CPEB3: variants seen among roughly 807,000 people sequenced by gnomAD.
CPEB3 encodes the protein cytoplasmic polyadenylation element-binding protein 3.
Under a neutral mutation model 67.2 loss-of-function variants are expected in CPEB3, and 20 were observed. The observed-to-expected ratio is 0.30, with a 90% CI of 0.21 to 0.43. CPEB3 has a LOEUF of 0.43. Ranked by LOEUF, CPEB3 falls within the 20% of genes least tolerant of loss-of-function variation. The pLI, the probability that CPEB3 is intolerant of heterozygous loss-of-function variation, is 1.00. For missense variants in CPEB3, 746 were observed against 968.6 expected (o/e 0.77, Z 3.05); for synonymous variants, 376 against 393.1 (o/e 0.96, Z 0.51).
At chr10:92,094,029 A>AT (rs1463643959) in intron 7 of CPEB3, among the ~76,000 whole-genome samples, 2 of 151,596 alleles carry the variant, frequency 1.3e-5, no homozygotes, top group East Asian at 2.0e-4. Flanking sequence ...TAATTTTTGT[A>AT]TTTTTAGCAG....
At chr10:92,081,926 T>C (rs1434460927) in intron 8 of CPEB3, among the ~76,000 whole-genome samples, 2 of 152,214 alleles carry the variant, frequency 1.3e-5, no homozygotes, top group Non-Finnish European at 2.9e-5. Context: ...AGTGTCACAC[T>C]ACTATATTAG....
chr10:92,134,966 G>A (rs1198714729), intron 6 of CPEB3, among the ~76,000 whole-genome samples: 1 of 152,124 alleles, frequency 6.6e-6, no homozygotes, highest in African/African-American at 2.4e-5. Flanking sequence ...GCCATATGTA[G>A]AAAGCTGAAA....
intron 1 of CPEB3, among the ~76,000 whole-genome samples, chr10:92,249,888 G>A (rs536046002): frequency 6.7e-6 from 1 of 150,010 alleles, no homozygotes; most frequent in African/African-American, 2.4e-5. Flanking sequence ...TGGGCGTGGT[G>A]GCAGGCACCT....
chr10:92,193,998 G>A (rs1006298295), intron 2 of CPEB3, among the ~76,000 whole-genome samples: 7 of 151,534 alleles, frequency 4.6e-5, no homozygotes, highest in Non-Finnish European at 7.4e-5. Flanking sequence ...GGGTTTCACC[G>A]TGTTAGACAG....
intron 7 of CPEB3, among the ~76,000 whole-genome samples, chr10:92,108,962 G>T (rs1844601115): frequency 6.6e-6 from 1 of 152,114 alleles, no homozygotes. Flanking sequence ...GTCCCACAAG[G>T]CATATTATTC....
chr10:92,056,422 C>T (rs1020169968), intron 9 of CPEB3, among the ~76,000 whole-genome samples: 2 of 152,168 alleles, frequency 1.3e-5, no homozygotes, highest in South Asian at 2.1e-4. Flanking sequence ...GAAAAAAATA[C>T]CTTTAGAAGA....
intron 2 of CPEB3, among the ~76,000 whole-genome samples, chr10:92,208,651 T>C (rs774707653): frequency 6.6e-6 from 1 of 151,532 alleles, no homozygotes; most frequent in African/African-American, 2.4e-5. Flanking sequence ...TGGAGTGCAG[T>C]TGGGGGATCT....
chr10:92,273,770 A>C (rs1334016075), intron 1 of CPEB3, among the ~76,000 whole-genome samples: 1 of 152,128 alleles, frequency 6.6e-6, no homozygotes, highest in Non-Finnish European at 1.5e-5. Flanking sequence ...TCATCTCTTA[A>C]ATGGAGCTAT....
intron 1 of CPEB3, among the ~76,000 whole-genome samples, chr10:92,245,666 G>A (rs1210885844): frequency 1.3e-5 from 2 of 152,108 alleles, no homozygotes; most frequent in Admixed American, 6.6e-5. Flanking sequence ...AATTTGCAAG[G>A]ATCAACCCAA....
At chr10:92,283,945 C>T (rs1015485328) in intron 1 of CPEB3, among the ~76,000 whole-genome samples, 4 of 150,910 alleles carry the variant, frequency 2.7e-5, no homozygotes, top group Non-Finnish European at 5.9e-5. Context: ...CCAGGGTGGT[C>T]GCGAACTCCT....
At chr10:92,119,886 A>G (rs1379847219) in intron 6 of CPEB3, among the ~76,000 whole-genome samples, 1 of 152,080 alleles carries the variant, frequency 6.6e-6, no homozygotes, top group Non-Finnish European at 1.5e-5. Context: ...TCTGAAACTA[A>G]ATTAAAATAC....
At chr10:92,284,261 T>C (rs560157823) in intron 1 of CPEB3, among the ~76,000 whole-genome samples, 1 of 151,368 alleles carries the variant, frequency 6.6e-6, no homozygotes, top group African/African-American at 2.4e-5. Context: ...ATGGTCTCCA[T>C]CTCTTGACCT....
chr10:92,106,814 C>CAAAAAAAAAAAAAAAAAAAAAAA (rs531195477), intron 7 of CPEB3, among the ~76,000 whole-genome samples: 47 of 55,928 alleles, frequency 8.4e-4, no homozygotes, highest in African/African-American at 1.3e-3. Context: ...GACTCTGTCT[C>CAAAAAAAAAAAAAAAAAAAAAAA]AAAAAAAAAA....
chr10:92,247,019 G>A (rs1400076360), intron 1 of CPEB3, among the ~76,000 whole-genome samples: 1 of 152,036 alleles, frequency 6.6e-6, no homozygotes, highest in African/African-American at 2.4e-5. Flanking sequence ...GTATTGTATT[G>A]AAAAACACAC....
At chr10:92,236,853 A>G (rs1051302193) in intron 2 of CPEB3, among the ~76,000 whole-genome samples, 1 of 152,222 alleles carries the variant, frequency 6.6e-6, no homozygotes, top group Non-Finnish European at 1.5e-5. Flanking sequence ...GGCAAAAAAG[A>G]AGCAGTGCAG....
At chr10:92,110,594 T>C (rs1039959562) in intron 7 of CPEB3, among the ~76,000 whole-genome samples, 7 of 152,224 alleles carry the variant, frequency 4.6e-5, no homozygotes, top group African/African-American at 1.7e-4. Flanking sequence ...TCCTGCTCTG[T>C]TGAAACTATC....
chr10:92,169,949 A>C (rs1379303769), intron 4 of CPEB3, among the ~76,000 whole-genome samples: 1 of 152,158 alleles, frequency 6.6e-6, no homozygotes, highest in Non-Finnish European at 1.5e-5. Context: ...GCCCTTCATT[A>C]TTTGGCCCCA....
At chr10:92,117,734 AATTTTTCATG>A (rs1457955397) in intron 6 of CPEB3, among the ~76,000 whole-genome samples, 1 of 131,286 alleles carries the variant, frequency 7.6e-6, no homozygotes, top group African/African-American at 3.2e-5. Flanking sequence ...TTAAATACAT[AATTTTTCATG>A]TTTTTTTTTT....
chr10:92,189,309 C>CA (rs1564849638), intron 3 of CPEB3, among the ~76,000 whole-genome samples: 6 of 152,120 alleles, frequency 3.9e-5, no homozygotes, highest in Non-Finnish European at 8.8e-5. Context: ...AAAATTTTGA[C>CA]AACTTGCACC....
Sources: gnomAD v4.1 joint callset for allele counts (sites outside exome capture counted in the v4.1 genomes callset) on GRCh38, gnomAD v4.1.1 for gene constraint, MANE v1.5 for transcripts, NCBI Gene and HGNC (gene_info 2026-07-23, HGNC 2026-07-21) for gene names.